The following EML6 variants were observed in gnomAD, a reference collection of about 807,000 sequenced individuals.
The protein encoded by EML6 is echinoderm microtubule-associated protein-like 6.
EML6 carries 154 observed loss-of-function variants against 240.1 expected under a neutral mutation model. That is an observed-to-expected ratio of 0.64 (90% confidence interval 0.56 to 0.73). EML6 has a LOEUF of 0.73. EML6 is among the 30% of genes least tolerant of loss of function. The pLI, the probability that EML6 is intolerant of heterozygous loss-of-function variation, is 0.00. For missense variants in EML6, 2,964 were observed against 2,474.6 expected, an observed-to-expected ratio of 1.20 and a Z score of -4.20; for synonymous variants, 1,148 against 899.0, an observed-to-expected ratio of 1.28 and a Z score of -4.95.
intron 34 of EML6, among the ~76,000 whole-genome samples, chr2:54,959,852 T>G (rs1676414097): frequency 6.6e-6 from 1 of 152,182 alleles, no homozygotes; most frequent in South Asian, 2.1e-4. Flanking sequence ...TTATTCTTAG[T>G]AGCTCTGTGG....
At position 54,820,447 on chromosome 2, in the gene EML6, A is replaced by C. The variant is rs780899662; in HGVS notation, c.510A>C (p.Gly170=). The change falls in exon 5 of 42, where the codon GGA becomes GGC. Residue 170 remains glycine (G), a synonymous_variant. Coordinates refer to ENST00000356458, the MANE Select transcript of EML6 (RefSeq NM_001039753.4). ...PYQPNRVVSC[G]VKHIKFWTLC... ...AGCCAAACAGAGTGGTTAGCTGTGG[A>C]GTAAAACACATAAAGGTAAAGCTTT... The C allele has an allele frequency of 1.9e-6, 3 of 1,546,072 alleles. No homozygotes were observed.
intron 9 of EML6, among the ~76,000 whole-genome samples, chr2:54,847,872 T>A (rs921641806): frequency 5.3e-5 from 8 of 152,194 alleles, no homozygotes; most frequent in Middle Eastern, 3.2e-3. Context: ...AATCTAGTAA[T>A]CTCTTAGTAG....
At chr2:54,814,923 C>G (rs1668014960) in intron 3 of EML6, among the ~76,000 whole-genome samples, 1 of 152,160 alleles carries the variant, frequency 6.6e-6, no homozygotes, top group Non-Finnish European at 1.5e-5. Context: ...GAGATAATAG[C>G]TGGATGCTAG....
At chr2:54,905,761 C>G (rs543026825) in intron 24 of EML6, among the ~76,000 whole-genome samples, 22 of 152,168 alleles carry the variant, frequency 1.4e-4, no homozygotes, top group African/African-American at 5.3e-4. Flanking sequence ...CTCTAGGTAC[C>G]TCGTATAAGT....
intron 2 of EML6, among the ~76,000 whole-genome samples, chr2:54,755,249 C>G (rs914125487): frequency 6.6e-6 from 1 of 152,202 alleles, no homozygotes; most frequent in African/African-American, 2.4e-5. Context: ...CTTGCACTGA[C>G]GCCACGCTGT....
intron 2 of EML6, among the ~76,000 whole-genome samples, chr2:54,755,635 A>T (rs148248827): frequency 3.7e-4 from 57 of 152,114 alleles, no homozygotes; most frequent in African/African-American, 1.4e-3. Context: ...TCATTTTCTA[A>T]TTATTTTTGC....
intron 2 of EML6, among the ~76,000 whole-genome samples, chr2:54,738,280 C>T (rs138499609): frequency 6.6e-6 from 1 of 152,144 alleles, no homozygotes; most frequent in East Asian, 1.9e-4. Context: ...AAGACTTGTG[C>T]ATGACTTTTA....
Position 54,957,834 on chromosome 2 carries a change from G to A in EML6, c.4531G>A (p.Val1511Met). 1 of 1,550,508 alleles carries A rather than the reference G, an allele frequency of 6.4e-7. No homozygotes were observed. Among genetic ancestry groups the A allele is most frequent in the Non-Finnish European group, 8.7e-7 (1 of 1,147,008 alleles). The change falls in exon 33 of 42, where the codon GTG becomes ATG. Residue 1511 changes from valine to methionine, a missense_variant. Physicochemically the swap from Val to Met is conservative, Grantham distance 21. Coordinates refer to ENST00000356458, the MANE Select transcript of EML6 (RefSeq NM_001039753.4). ...SRGGHLERIF[V>M]VEFRPDSDTQ... ...AGGGGGTCACCTGGAGCGCATATTTGTGGTGGAATTTCGCCCCGACTCAGA... is the reference window on the plus strand; with the variant it reads ...AGGGGGTCACCTGGAGCGCATATTTATGGTGGAATTTCGCCCCGACTCAGA...
intron 36 of EML6, 77 bp from the exon 37 acceptor site, chr2:54,963,909 G>A (rs1676635701): frequency 7.2e-7 from 1 of 1,392,968 alleles, no homozygotes. Flanking sequence ...TGACTTCTCT[G>A]GCCTGGTGCA....
intron 2 of EML6, among the ~76,000 whole-genome samples, chr2:54,739,654 C>T (rs998369393): frequency 3.9e-5 from 6 of 152,208 alleles, no homozygotes; most frequent in African/African-American, 1.4e-4. Context: ...TCCACATATG[C>T]ACAGCCAGAT....
rs544883862 is a variant in EML6 at position 54,750,946 on chromosome 2, G to C, written c.197+25688G>C. Reference sequence around the variant, plus strand: ...GCCAATTTTTTTAAAAAGGGGAGAAGAGTTATTACCAGAAGAAAGGGAAAG... The same window carrying C: ...GCCAATTTTTTTAAAAAGGGGAGAACAGTTATTACCAGAAGAAAGGGAAAG... On this transcript the variant is annotated intron_variant, in intron 2 of 41. Transcript: ENST00000356458. 1.9e-3 allele frequency among the ~76,000 whole-genome samples: 288 copies of C among 152,230 alleles called. 1 individual carries two copies. The highest frequency in any genetic ancestry group is 2.8e-3 in the Non-Finnish European group (192 of 68,010).
chr2:54,734,369 T>C (rs907457535), intron 2 of EML6, among the ~76,000 whole-genome samples: 2 of 152,234 alleles, frequency 1.3e-5, no homozygotes, highest in African/African-American at 4.8e-5. Flanking sequence ...TGATATATCA[T>C]GGAGTTTTCA....
chr2:54,953,202 G>T (rs1676065799), intron 31 of EML6, among the ~76,000 whole-genome samples: 1 of 152,150 alleles, frequency 6.6e-6, no homozygotes, highest in South Asian at 2.1e-4. Context: ...ACTTTCTGAT[G>T]CTGGTGTTGA....
At position 54,831,906 on chromosome 2, in the gene EML6, G is replaced by A. The variant is rs140723670; in HGVS notation, c.847+2429G>A. On this transcript the variant is annotated intron_variant, in intron 7 of 41. Coordinates refer to ENST00000356458, the MANE Select transcript of EML6 (RefSeq NM_001039753.4). ...ATTTTAGAATTGCTGCTGACGACCA[G>A]TACTCTTAATTGCTTAGTATTTTAC... Among the ~76,000 whole-genome samples, 225 of 152,282 alleles carry A rather than the reference G, an allele frequency of 1.5e-3. 2 individuals are homozygous for A. The highest frequency in any genetic ancestry group is 5.2e-3 in the African/African-American group (216 of 41,548).
chr2:54,769,778 G>A (rs1366218579), intron 2 of EML6, among the ~76,000 whole-genome samples: 1 of 152,178 alleles, frequency 6.6e-6, no homozygotes, highest in East Asian at 1.9e-4. Flanking sequence ...TTTTAAGTGT[G>A]TGATACAGTG....
chr2:54,836,176 A>C (rs1669131677), intron 7 of EML6, among the ~76,000 whole-genome samples: 1 of 152,102 alleles, frequency 6.6e-6, no homozygotes, highest in South Asian at 2.1e-4. Context: ...CTGTGTGCGC[A>C]AGTTCCGTGT....
chr2:54,908,833 G>T (rs1673484941), intron 24 of EML6, among the ~76,000 whole-genome samples: 1 of 152,084 alleles, frequency 6.6e-6, no homozygotes, highest in South Asian at 2.1e-4. Flanking sequence ...ACCCAGCCCA[G>T]TGTGAGCCTG....
intron 2 of EML6, among the ~76,000 whole-genome samples, chr2:54,754,435 A>G (rs1182388139): frequency 6.6e-6 from 1 of 152,204 alleles, no homozygotes; most frequent in Non-Finnish European, 1.5e-5. Context: ...ATAGGAAACT[A>G]GTACAAGCAC....
chr2:54,797,176 A>AAAAAAAAAAAAACAAAAAAAAC (rs1669848823), intron 2 of EML6, among the ~76,000 whole-genome samples: 2 of 141,688 alleles, frequency 1.4e-5, no homozygotes, highest in Non-Finnish European at 3.2e-5. Context: ...AAAAAAAAAA[A>AAAAAAAAAAAAACAAAAAAAAC]AAAAAAAAAA....
Sources: gnomAD v4.1 joint callset for allele counts (sites outside exome capture counted in the v4.1 genomes callset) on GRCh38, gnomAD v4.1.1 for gene constraint, MANE v1.5 for transcripts, NCBI Gene and HGNC (gene_info 2026-07-23, HGNC 2026-07-21) for gene names.